Variants in IL7 observed in about 807,000 individuals in gnomAD.
IL7 encodes interleukin 7.
A neutral mutation model predicts 21.6 loss-of-function variants in IL7; 3 were observed. The ratio of observed to expected loss-of-function variants is 0.14; its 90% CI spans 0.06 to 0.36. IL7 has a LOEUF of 0.36. Ranked by LOEUF, IL7 falls within the 10% of genes least tolerant of loss-of-function variation. The pLI, the probability that IL7 is intolerant of heterozygous loss-of-function variation, is 1.00. For synonymous variants in IL7, 62 were observed against 68.1 expected, an observed-to-expected ratio of 0.91 and a Z score of 0.44; for missense variants, 175 against 200.2, an observed-to-expected ratio of 0.87 and a Z score of 0.76.
chr8:78,757,741 A>G (rs1812398234), intron 2 of IL7, among the ~76,000 whole-genome samples: 1 of 152,024 alleles, frequency 6.6e-6, no homozygotes, highest in Non-Finnish European at 1.5e-5. Flanking sequence ...TGCATGGGAT[A>G]TGGTTTCCGT....
rs60056547 is a variant in IL7 at position 78,686,431 on chromosome 8, GTTTATTTATTTATTTA to G, written n.215-500_215-485del. 3.8e-5 allele frequency: 45 copies of G among 1,173,630 alleles called. 1 individual carries two copies. In the East Asian group the frequency reaches 1.1e-3, roughly 29 times the overall value. The allele number at this position is 1,173,630 out of a possible 1,614,324, so 72.7% of individuals were successfully genotyped here. On this transcript the variant is annotated intron_variant and non_coding_transcript_variant, in intron 3 of 4. Transcript: ENST00000523959. The stretch of plus-strand genomic sequence containing the variant: ...TCAATATACTAAAAAGATACTGTTT[GTTTATTTATTTATTTA>G]TTTATTTATTTATTTATAGCCAGAA...
At chr8:78,761,340 C>G in intron 2 of IL7, 1 of 1,611,704 alleles carries the variant, frequency 6.2e-7, no homozygotes, top group African/African-American at 1.3e-5. Context: ...ATATTTAAGG[C>G]ACAGAAAGAG....
At chr8:78,716,272 G>A (rs1159071777), downstream of IL7, among the ~76,000 whole-genome samples, 4 of 151,152 alleles carry the variant, frequency 2.6e-5, no homozygotes, top group Non-Finnish European at 5.9e-5. Context: ...ACAGGCGCCC[G>A]CCACCACGCC....
intron 3 of IL7, among the ~76,000 whole-genome samples, chr8:78,710,804 T>C (rs1456918221): frequency 6.6e-6 from 1 of 152,138 alleles, no homozygotes; most frequent in Non-Finnish European, 1.5e-5. Flanking sequence ...TGAAGGCTGC[T>C]TTTAAGAACT....
In IL7 at chr8:78,687,484, TTA is replaced by T. The variant is rs949958330; in HGVS notation, n.215-1539_215-1538del. On this transcript the variant is annotated intron_variant and non_coding_transcript_variant, in intron 3 of 4. Transcript: ENST00000523959. ...TAATTATATATATATTTATATATAA[TTA>T]TATATGTTTATATAATAAATTATAT... 1.9e-3 allele frequency among the ~76,000 whole-genome samples: 276 copies of T among 144,858 alleles called. 1 individual carries two copies. The highest frequency in any genetic ancestry group is 2.4e-3 in the Non-Finnish European group (161 of 66,414).
intron 2 of IL7, among the ~76,000 whole-genome samples, chr8:78,766,760 A>G (rs1339767252): frequency 2.6e-5 from 4 of 152,148 alleles, no homozygotes; most frequent in African/African-American, 4.8e-5. Flanking sequence ...TGTAACAGAC[A>G]TCTTTGTATG....
At chr8:78,707,916 C>T (rs1810827286) in intron 3 of IL7, among the ~76,000 whole-genome samples, 1 of 151,230 alleles carries the variant, frequency 6.6e-6, no homozygotes, top group Non-Finnish European at 1.5e-5. Flanking sequence ...ATTGTAAGCT[C>T]CATGATGGCA....
At chr8:78,802,035 G>A (rs985178263) in intron 1 of IL7, among the ~76,000 whole-genome samples, 16 of 152,218 alleles carry the variant, frequency 1.1e-4, no homozygotes, top group African/African-American at 3.4e-4. Context: ...CAAGGCAAGC[G>A]TGGCTTGTGG....
intron 2 of IL7, among the ~76,000 whole-genome samples, chr8:78,742,217 G>A (rs904403347): frequency 7.9e-5 from 12 of 151,974 alleles, no homozygotes; most frequent in Non-Finnish European, 1.6e-4. Context: ...TCAGCTGCTT[G>A]GGAGGCTGAG....
In IL7 at chr8:78,692,232, T is replaced by G. The variant is rs1335900102; in HGVS notation, n.215-6285A>C. On this transcript the variant is annotated intron_variant and non_coding_transcript_variant, in intron 3 of 4. Coordinates refer to the IL7 transcript ENST00000523959. ...TTTAGCCTCTGGTACTACCATTCAG[T>G]TCTCTGCTGCTTAGAGTTCCATTGT... Among the ~76,000 whole-genome samples, 6 of 152,326 alleles carry G rather than the reference T, an allele frequency of 3.9e-5. No homozygotes were observed. The South Asian group carries it at 1.2e-3, about 32-fold the overall frequency.
downstream of IL7, among the ~76,000 whole-genome samples, chr8:78,715,964 T>A (rs563818410): frequency 2.8e-5 from 4 of 140,458 alleles, no homozygotes; most frequent in African/African-American, 1.1e-4. Flanking sequence ...TGCTTGAACC[T>A]GGGAGGCAGA....
At chr8:78,697,190 A>G (rs906968623) in intron 3 of IL7, among the ~76,000 whole-genome samples, 2 of 152,170 alleles carry the variant, frequency 1.3e-5, no homozygotes, top group Non-Finnish European at 2.9e-5. Context: ...CATAAACTTT[A>G]CCATCTTAAT....
chr8:78,690,496 C>T (rs764265427), intron 3 of IL7, among the ~76,000 whole-genome samples: 5 of 150,816 alleles, frequency 3.3e-5, no homozygotes, highest in African/African-American at 1.2e-4. Context: ...GGAGGAGGAG[C>T]TTGCAGTGAG....
At chr8:78,761,198 T>C in intron 2 of IL7, 1 of 1,592,328 alleles carries the variant, frequency 6.3e-7, no homozygotes, top group East Asian at 2.2e-5. Context: ...TTTACTGTTC[T>C]GAAAAAGAAC....
intron 2 of IL7, among the ~76,000 whole-genome samples, chr8:78,754,411 A>G (rs779074388): frequency 7.9e-5 from 12 of 152,208 alleles, no homozygotes; most frequent in Non-Finnish European, 1.2e-4. Flanking sequence ...AAATGGAAAA[A>G]CATTCCATGC....
chr8:78,682,007 T>C (rs752926380), intron 4 of IL7, among the ~76,000 whole-genome samples: 9 of 151,680 alleles, frequency 5.9e-5, no homozygotes, highest in Non-Finnish European at 1.2e-4. Context: ...CCTCCCAAAA[T>C]GTGGGGATTA....
At chr8:78,690,114 TG>T (rs2130506276) in intron 3 of IL7, among the ~76,000 whole-genome samples, 1 of 152,328 alleles carries the variant, frequency 6.6e-6, no homozygotes, top group Non-Finnish European at 1.5e-5. Context: ...TGAATATAAA[TG>T]TATGGGTTTA....
intron 3 of IL7, among the ~76,000 whole-genome samples, chr8:78,709,134 A>G (rs1170948267): frequency 6.6e-6 from 1 of 152,194 alleles, no homozygotes; most frequent in Non-Finnish European, 1.5e-5. Context: ...GAAACTATCA[A>G]ATATCAGAGA....
intron 3 of IL7, among the ~76,000 whole-genome samples, chr8:78,687,988 T>C (rs1022745865): frequency 3.4e-5 from 5 of 145,802 alleles, no homozygotes; most frequent in Non-Finnish European, 6.0e-5. Context: ...ATAAATTATA[T>C]ATATATAAAT....
Sources: allele counts gnomAD v4.1 joint callset (sites outside exome capture counted in the v4.1 genomes callset), GRCh38; gene constraint gnomAD v4.1.1; transcripts MANE v1.5; gene names NCBI Gene and HGNC (gene_info 2026-07-23, HGNC 2026-07-21).